The following DAB2IP variants were observed in gnomAD, a reference collection of about 807,000 sequenced individuals.
The protein encoded by DAB2IP is DAB2 interacting protein.
A neutral mutation model predicts 107.2 loss-of-function variants in DAB2IP; 28 were observed. The ratio of observed to expected loss-of-function variants is 0.26; its 90% CI spans 0.19 to 0.36. DAB2IP has a LOEUF of 0.36. DAB2IP is among the 10% of genes least tolerant of loss of function. The pLI is 1.00. For synonymous variants in DAB2IP, 755 were observed against 706.4 expected (o/e 1.07, Z -1.09); for missense variants, 1,400 against 1,644.7 (o/e 0.85, Z 2.57).
chr9:121,674,072 G>A (rs749889223), intron 1 of DAB2IP, among the ~76,000 whole-genome samples: 2 of 152,236 alleles, frequency 1.3e-5, no homozygotes, highest in African/African-American at 2.4e-5. Context: ...TAGGGACAGC[G>A]GGGGCTGCTT....
At chr9:121,718,751 G>A (rs1432575419) in intron 3 of DAB2IP, among the ~76,000 whole-genome samples, 1 of 152,210 alleles carries the variant, frequency 6.6e-6, no homozygotes, top group Non-Finnish European at 1.5e-5. Context: ...TGAGTTAACC[G>A]GGATTGTGTC....
At chr9:121,673,743 G>C (rs767172372) in intron 1 of DAB2IP, among the ~76,000 whole-genome samples, 14 of 152,122 alleles carry the variant, frequency 9.2e-5, no homozygotes, top group Non-Finnish European at 1.8e-4. Flanking sequence ...GGCTGGCTCC[G>C]TGGGGAAGGT....
intron 1 of DAB2IP, among the ~76,000 whole-genome samples, chr9:121,625,937 G>T (rs975313888): frequency 2.3e-4 from 35 of 152,158 alleles, no homozygotes; most frequent in African/African-American, 8.2e-4. Context: ...CATTTAGCCT[G>T]CCTGGCCAAG....
Position 121,651,914 on chromosome 9 carries a change from G to T in DAB2IP, c.124+15G>T. On this transcript the variant is annotated intron_variant, in intron 1 of 15. Coordinates refer to ENST00000408936, the Ensembl canonical transcript of DAB2IP. This position sits in a 1 kb window ranked among gnomAD's most constrained non-coding sequence, Gnocchi z 5.1. ...GCCTGCCAGGGGTAGGCGCCACCCC[G>T]ACCCCTGACCCCTAGACCCTCCTAA... 1 of 1,368,778 alleles carries T rather than the reference G, an allele frequency of 7.3e-7. No homozygotes were observed. Among genetic ancestry groups the T allele is most frequent in the Non-Finnish European group, 9.5e-7 (1 of 1,053,604 alleles). 84.8% of individuals were successfully genotyped at this position (1,368,778 alleles called of 1,614,324 possible).
At chr9:121,657,225 AG>A (rs779260490) in intron 1 of DAB2IP, among the ~76,000 whole-genome samples, 2 of 152,052 alleles carry the variant, frequency 1.3e-5, no homozygotes, top group Non-Finnish European at 2.9e-5. Flanking sequence ...CTTAGTGCTG[AG>A]GGTTCAGAGT....
At chr9:121,674,331 C>T (rs7860246) in intron 1 of DAB2IP, among the ~76,000 whole-genome samples, 21 of 152,144 alleles carry the variant, frequency 1.4e-4, no homozygotes, top group African/African-American at 4.6e-4. Context: ...TGCACAGAGA[C>T]GTGGAGAATG....
At chr9:121,646,090 T>C in intron 1 of DAB2IP, among the ~76,000 whole-genome samples, 1 of 152,182 alleles carries the variant, frequency 6.6e-6, no homozygotes, top group East Asian at 1.9e-4. Context: ...TCTGTCTCTG[T>C]GTGTTCAAAT....
At chr9:121,569,046 T>C (rs1829870869) in intron 1 of DAB2IP, among the ~76,000 whole-genome samples, 1 of 152,174 alleles carries the variant, frequency 6.6e-6, no homozygotes, top group East Asian at 1.9e-4. Flanking sequence ...CAGGCAGGCA[T>C]GGAGTGGAGC....
chr9:121,734,939 G>A (rs1445581980), intron 3 of DAB2IP, among the ~76,000 whole-genome samples: 8 of 152,208 alleles, frequency 5.3e-5, no homozygotes, highest in Non-Finnish European at 1.0e-4. Flanking sequence ...CCTGCACCCT[G>A]GAGGGAGGTG....
At chr9:121,773,461 G>A in exon 12 of DAB2IP, 1 of 1,523,682 alleles carries the variant, frequency 6.6e-7, no homozygotes, top group Non-Finnish European at 8.8e-7. Flanking sequence ...AAGGGGGACA[G>A]CCCAGAACTG....
At chr9:121,631,813 TAAAAAAAAAAAAAAAA>T (rs752400251) in intron 1 of DAB2IP, among the ~76,000 whole-genome samples, 1 of 58,918 alleles carries the variant, frequency 1.7e-5, no homozygotes, top group African/African-American at 7.1e-5. Flanking sequence ...AGACTCCGTC[TAAAAAAAAAAAAAAAA>T]AAAAAAAAAA....
chr9:121,711,299 A>T (rs550443034), intron 3 of DAB2IP, among the ~76,000 whole-genome samples: 63 of 152,306 alleles, frequency 4.1e-4, no homozygotes, highest in African/African-American at 1.5e-3. Flanking sequence ...GAGTTTCTCA[A>T]ACTCAGTGTC....
chr9:121,771,333 C>T (rs75389670), intron 11 of DAB2IP, among the ~76,000 whole-genome samples: 1 of 152,168 alleles, frequency 6.6e-6, no homozygotes, highest in African/African-American at 2.4e-5. Flanking sequence ...TGAAGCATTT[C>T]TGCTCTACCC....
Position 121,599,855 on chromosome 9 carries a change from G to T in DAB2IP, c.40+32627G>T, listed in dbSNP as rs974050797. 1.3e-5 allele frequency among the ~76,000 whole-genome samples: 2 copies of T among 152,114 alleles called. No homozygotes were observed. Among genetic ancestry groups the T allele is most frequent in the Admixed American group, 6.5e-5 (1 of 15,270 alleles). On this transcript the variant is annotated intron_variant, in intron 1 of 16. Transcript: ENST00000259371. The surrounding 1 kb of genome is among the most constrained non-coding windows in gnomAD (Gnocchi z 6.9). ...CATCCCGGGTTCGAGAGGATCCGGG[G>T]GCTCCGATGCGAGGTGTTGGGGTAG...
intron 2 of DAB2IP, among the ~76,000 whole-genome samples, chr9:121,685,560 C>G (rs1383247501): frequency 6.6e-6 from 1 of 152,234 alleles, no homozygotes; most frequent in Non-Finnish European, 1.5e-5. Flanking sequence ...CTCAGCAGGT[C>G]TCCAGCTGGT....
chr9:121,705,804 C>T (rs574139200), intron 3 of DAB2IP, among the ~76,000 whole-genome samples: 2 of 152,356 alleles, frequency 1.3e-5, no homozygotes, highest in Admixed American at 1.3e-4. Flanking sequence ...TCATTCTCCT[C>T]CAGGTAGCCC....
intron 1 of DAB2IP, among the ~76,000 whole-genome samples, chr9:121,674,876 G>GGT (rs369953526): frequency 0.025 from 3,735 of 150,266 alleles, 150 homozygotes; most frequent in African/African-American, 0.08. Flanking sequence ...TGGCCAGGGT[G>GGT]GTGTGTGTGT....
At chr9:121,671,329 C>T (rs957433912) in intron 1 of DAB2IP, among the ~76,000 whole-genome samples, 8 of 152,316 alleles carry the variant, frequency 5.3e-5, no homozygotes, top group African/African-American at 1.7e-4. Context: ...GACCTAGACT[C>T]CATCTCAAAA....
intron 8 of DAB2IP, among the ~76,000 whole-genome samples, chr9:121,765,771 G>T (rs1273553961): frequency 6.6e-6 from 1 of 152,192 alleles, no homozygotes; most frequent in African/African-American, 2.4e-5. Flanking sequence ...GGCCAGGTGG[G>T]CCTGACCATG....
Sources: gnomAD v4.1 joint callset for allele counts (sites outside exome capture counted in the v4.1 genomes callset) on GRCh38, gnomAD v4.1.1 for gene constraint, Gnocchi (gnomAD v3.1) non-coding constraint, MANE v1.5 for transcripts, NCBI Gene and HGNC (gene_info 2026-07-23, HGNC 2026-07-21) for gene names.